MVB12B: variants seen among roughly 807,000 people sequenced by gnomAD.
MVB12B encodes multivesicular body subunit 12B.
A neutral mutation model predicts 41.6 loss-of-function variants in MVB12B; 16 were observed. That is an observed-to-expected ratio of 0.38 (90% CI 0.26 to 0.58). The LOEUF (loss-of-function observed/expected upper bound fraction) is 0.58, where lower values mean the gene tolerates loss of function less well. MVB12B is among the 20% of genes least tolerant of loss of function. MVB12B has a pLI of 0.62. For missense variants in MVB12B, 274 were observed against 380.2 expected (o/e 0.72, Z 2.32); for synonymous variants, 133 against 139.7 (o/e 0.95, Z 0.34).
At chr9:126,476,295 G>A (rs1833417877) in intron 7 of MVB12B, among the ~76,000 whole-genome samples, 1 of 152,226 alleles carries the variant, frequency 6.6e-6, no homozygotes, top group Non-Finnish European at 1.5e-5. Flanking sequence ...TGTGGAGCAG[G>A]TTGGCCATGG....
rs1052334417 is a variant in MVB12B, at chr9:126,327,297, G to A, written c.81+287G>A. ...AGCAGCGCCCCCAAGGCCCGGGCAG[G>A]TGAGGGGCGCCGAGAGCCACCTCTG... On this transcript the variant is annotated intron_variant, in intron 1 of 9. Coordinates refer to ENST00000361171, the MANE Select transcript of MVB12B (RefSeq NM_033446.3). The A allele has an allele frequency of 1.5e-4, 149 of 985,274 alleles. 1 individual carries two copies. Among genetic ancestry groups the A allele is most frequent in the South Asian group, 5.6e-4 (12 of 21,290 alleles). The allele number at this position is 985,274 out of a possible 1,614,324, so 61.0% of individuals were successfully genotyped here.
intron 2 of MVB12B, among the ~76,000 whole-genome samples, chr9:126,380,794 C>A (rs1034985568): frequency 6.6e-6 from 1 of 152,204 alleles, no homozygotes; most frequent in South Asian, 2.1e-4. Flanking sequence ...TGGTCCATTA[C>A]GACAAAAGTT....
chr9:126,406,525 G>A (rs1411493359), intron 6 of MVB12B, among the ~76,000 whole-genome samples: 1 of 152,206 alleles, frequency 6.6e-6, no homozygotes, highest in Non-Finnish European at 1.5e-5. Context: ...TTCGAAAAGC[G>A]GATGTTTTAG....
intron 7 of MVB12B, among the ~76,000 whole-genome samples, chr9:126,456,209 A>G (rs1281711132): frequency 6.6e-6 from 1 of 152,116 alleles, no homozygotes; most frequent in East Asian, 1.9e-4. Flanking sequence ...TATCTTGAAC[A>G]TCTCTTCCCA....
chr9:126,346,726 G>C (rs1340558387), intron 2 of MVB12B, among the ~76,000 whole-genome samples: 1 of 152,200 alleles, frequency 6.6e-6, no homozygotes, highest in Non-Finnish European at 1.5e-5. Context: ...GGGTAGAAGA[G>C]GAGGCACTCA....
chr9:126,393,199 A>G (rs1392225591), intron 5 of MVB12B, among the ~76,000 whole-genome samples: 2 of 152,280 alleles, frequency 1.3e-5, no homozygotes, highest in East Asian at 3.9e-4. Flanking sequence ...GTTTGGCTTG[A>G]GCAAAAGGAA....
chr9:126,352,961 C>T (rs1014695210), intron 2 of MVB12B, among the ~76,000 whole-genome samples: 13 of 152,134 alleles, frequency 8.5e-5, no homozygotes, highest in African/African-American at 2.2e-4. Context: ...CAAAATGCTG[C>T]GGAGCCATCT....
chr9:126,448,656 G>GT (rs1832837832), intron 7 of MVB12B, among the ~76,000 whole-genome samples: 1 of 152,176 alleles, frequency 6.6e-6, no homozygotes, highest in Non-Finnish European at 1.5e-5. Flanking sequence ...GGAAGCCGAT[G>GT]TATCACATGG....
chr9:126,360,791 T>G (rs199892922), intron 2 of MVB12B, among the ~76,000 whole-genome samples: 1 of 152,246 alleles, frequency 6.6e-6, no homozygotes, highest in Non-Finnish European at 1.5e-5. Flanking sequence ...GAATGATATG[T>G]CCTCGTGATT....
rs758073480 is a variant in MVB12B, at chr9:126,503,272, C to T, written c.*9C>T. ...AGATCCCGCAGTCCTGAGGAGCCAG[C>T]GGCCACCTGCGGGGAGACCACCGCC... On this transcript the variant is annotated 3_prime_UTR_variant, in exon 10 of 10. Transcript: ENST00000361171. 5.9e-5 allele frequency: 91 copies of T among 1,548,738 alleles called. No homozygotes were observed. The highest frequency in any genetic ancestry group is 5.2e-4 in the South Asian group (44 of 83,998).
chr9:126,332,426 C>T (rs1829155489), intron 1 of MVB12B, among the ~76,000 whole-genome samples: 1 of 152,230 alleles, frequency 6.6e-6, no homozygotes, highest in East Asian at 1.9e-4. Flanking sequence ...TGTGCTTCTA[C>T]AAGCTCTCCG....
chr9:126,420,653 A>G (rs1470036993), intron 6 of MVB12B, among the ~76,000 whole-genome samples: 1 of 139,008 alleles, frequency 7.2e-6, no homozygotes, highest in Non-Finnish European at 1.5e-5. Flanking sequence ...GCATGAACTC[A>G]GCTCACTGCA....
intron 9 of MVB12B, among the ~76,000 whole-genome samples, chr9:126,487,662 G>A (rs1220896122): frequency 6.6e-6 from 1 of 152,062 alleles, no homozygotes; most frequent in African/African-American, 2.4e-5. Flanking sequence ...CTACTCAGGC[G>A]GCTGAAGCAG....
chr9:126,420,188 C>T (rs1417126279), intron 6 of MVB12B, among the ~76,000 whole-genome samples: 2 of 152,246 alleles, frequency 1.3e-5, no homozygotes, highest in African/African-American at 2.4e-5. Flanking sequence ...GCACATGTCA[C>T]GTTGCACTGT....
intron 3 of MVB12B, among the ~76,000 whole-genome samples, chr9:126,383,232 G>A (rs1396381272): frequency 1.3e-5 from 2 of 152,154 alleles, no homozygotes; most frequent in Non-Finnish European, 2.9e-5. Flanking sequence ...GGGATGTGGG[G>A]TCTCAAGACT....
At position 126,459,274 on chromosome 9, in the gene MVB12B, C is replaced by T. The variant is rs1335856856; in HGVS notation, c.758-22095C>T. 6.6e-6 allele frequency among the ~76,000 whole-genome samples: 1 copy of T among 152,228 alleles called. No homozygotes were observed. Among genetic ancestry groups the T allele is most frequent in the Non-Finnish European group, 1.5e-5 (1 of 68,044 alleles). ...GGTGCCAGTGCAGGCCTCCCCTTGACTGACACATGGCTCCCTTGCCTCTCT... is the reference window on the plus strand; with the variant it reads ...GGTGCCAGTGCAGGCCTCCCCTTGATTGACACATGGCTCCCTTGCCTCTCT... On this transcript the variant is annotated intron_variant, in intron 7 of 9. Transcript: ENST00000361171. The surrounding 1 kb of genome is among the most constrained non-coding windows in gnomAD (Gnocchi z 4.3).
chr9:126,406,052 T>A (rs918775669), intron 6 of MVB12B, among the ~76,000 whole-genome samples: 1 of 144,938 alleles, frequency 6.9e-6, no homozygotes, highest in Non-Finnish European at 1.5e-5. Context: ...TTGTGGGGGG[T>A]TTTTTTTTTT....
In MVB12B at chr9:126,465,396, TG is replaced by T. The variant is rs747324401; in HGVS notation, c.758-15968del. Among the ~76,000 whole-genome samples the T allele has an allele frequency of 1.6e-3, 246 of 152,092 alleles. 1 individual carries two copies. Among genetic ancestry groups the T allele is most frequent in the Non-Finnish European group, 1.8e-3 (120 of 67,974 alleles). ...CCAATTGAATCAGAACCCCTGGGGT[TG>T]GGGGTGGCAGGCAGCAACAATCTTT... On this transcript the variant is annotated intron_variant, in intron 7 of 9. Transcript: ENST00000361171.
intron 1 of MVB12B, chr9:126,335,267 G>C: frequency 7.9e-7 from 1 of 1,262,864 alleles, no homozygotes; most frequent in South Asian, 1.3e-5. Context: ...AAGTTCAGAA[G>C]GTGTCAGGAT....
Sources: gnomAD v4.1 joint callset for allele counts (sites outside exome capture counted in the v4.1 genomes callset) on GRCh38, gnomAD v4.1.1 for gene constraint, Gnocchi (gnomAD v3.1) non-coding constraint, MANE v1.5 for transcripts, NCBI Gene and HGNC (gene_info 2026-07-23, HGNC 2026-07-21) for gene names.